Variants in ZFHX3 observed in about 807,000 individuals in gnomAD.
ZFHX3 encodes zinc finger homeobox protein 3.
ZFHX3 carries 42 observed loss-of-function variants against 279.1 expected under a neutral mutation model. That is an observed-to-expected ratio of 0.15 (90% CI 0.12 to 0.19). The LOEUF (loss-of-function observed/expected upper bound fraction) is 0.19, where lower values mean the gene tolerates loss of function less well. Among genes scored for constraint, ZFHX3 ranks in the 10% least tolerant of loss-of-function variants. ZFHX3 has a pLI of 1.00. For synonymous variants in ZFHX3, 2,293 were observed against 1,957.8 expected (o/e 1.17, Z -4.52); for missense variants, 4,981 against 4,754.0 (o/e 1.05, Z -1.40).
intron 4 of ZFHX3, among the ~76,000 whole-genome samples, chr16:72,859,378 T>C (rs953789488): frequency 3.3e-5 from 5 of 152,150 alleles, no homozygotes; most frequent in Non-Finnish European, 7.3e-5. Context: ...TGGGTCTGGA[T>C]TTCTATGACA....
Position 73,560,085 on chromosome 16 carries a change from G to A in ZFHX3, c.-1546-103827C>T, listed in dbSNP as rs114894854. The stretch of plus-strand genomic sequence containing the variant: ...AAAAAAACCCCAGTGCCTGATGATC[G>A]GGAGCTTGTCTGTCAAGTTCCTTCT... On this transcript the variant is annotated intron_variant, in intron 2 of 17. Transcript: ENST00000641206. 4.6e-3 allele frequency among the ~76,000 whole-genome samples: 700 copies of A among 152,234 alleles called. 3 individuals are homozygous for A. Among genetic ancestry groups the A allele is most frequent in the African/African-American group, 0.016 (668 of 41,532 alleles).
intron 1 of ZFHX3, among the ~76,000 whole-genome samples, chr16:73,721,726 A>G (rs1451123809): frequency 1.3e-5 from 2 of 152,178 alleles, no homozygotes; most frequent in African/African-American, 4.8e-5. Flanking sequence ...TGCCTAAGGG[A>G]AATTATTATT....
At chr16:73,256,981 G>A (rs1343809252) in intron 5 of ZFHX3, 2 of 151,930 alleles carry the variant, frequency 1.3e-5, no homozygotes, top group Admixed American at 1.3e-4. Context: ...GAAACAACTG[G>A]TGAGAACTTC....
intron 4 of ZFHX3, among the ~76,000 whole-genome samples, chr16:73,281,578 T>C (rs2143063532): frequency 6.6e-6 from 1 of 152,288 alleles, no homozygotes; most frequent in Admixed American, 6.5e-5. Flanking sequence ...TACTGTATTG[T>C]GTACTTAAAA....
chr16:73,048,516 G>C (rs1445901572), upstream of ZFHX3: 1 of 152,242 alleles, frequency 6.6e-6, no homozygotes, highest in African/African-American at 2.4e-5. Flanking sequence ...CGGGAACAAA[G>C]CCCAGGCCCT....
At chr16:72,817,687 C>T (rs1271202506) in intron 5 of ZFHX3, among the ~76,000 whole-genome samples, 2 of 152,204 alleles carry the variant, frequency 1.3e-5, no homozygotes, top group Non-Finnish European at 1.5e-5. Flanking sequence ...GTCCACGTTA[C>T]TGGGAAGTTT....
intron 2 of ZFHX3, among the ~76,000 whole-genome samples, chr16:73,541,228 T>C (rs569863476): frequency 6.6e-6 from 1 of 152,296 alleles, no homozygotes; most frequent in African/African-American, 2.4e-5. Flanking sequence ...ACACATGCTA[T>C]CATCCCAGCA....
At chr16:72,817,948 G>A (rs946738702) in intron 5 of ZFHX3, among the ~76,000 whole-genome samples, 7 of 152,198 alleles carry the variant, frequency 4.6e-5, no homozygotes, top group Non-Finnish European at 8.8e-5. Flanking sequence ...TAATGGAGGA[G>A]CCAATTAAAT....
chr16:73,040,496 C>T (rs542462977), intron 1 of ZFHX3, among the ~76,000 whole-genome samples: 73 of 149,136 alleles, frequency 4.9e-4, no homozygotes, highest in Non-Finnish European at 1.0e-3. Flanking sequence ...CTAGGTGGGT[C>T]ATTGAGTAGG....
chr16:73,326,010 C>T (rs1270356782), intron 3 of ZFHX3, among the ~76,000 whole-genome samples: 1 of 151,924 alleles, frequency 6.6e-6, no homozygotes, highest in Non-Finnish European at 1.5e-5. Context: ...CATGTGATTA[C>T]ACTAAGAAGG....
chr16:73,741,873 T>G (rs983937142), intron 1 of ZFHX3, among the ~76,000 whole-genome samples: 8 of 152,334 alleles, frequency 5.3e-5, no homozygotes, highest in Non-Finnish European at 1.2e-4. Context: ...GTCTTACACA[T>G]TTGTTTGAAG....
intron 1 of ZFHX3, 104 bp from the exon 2 acceptor site, chr16:72,960,298 C>T: frequency 1.1e-6 from 1 of 890,326 alleles, no homozygotes; most frequent in Non-Finnish European, 1.6e-6. Context: ...ACGGAGCGCT[C>T]TAAGAGGCTT....
At chr16:73,864,802 TACCCA>T (rs1961970444) in intron 1 of ZFHX3, among the ~76,000 whole-genome samples, 2 of 35,072 alleles carry the variant, frequency 5.7e-5, no homozygotes, top group Admixed American at 2.4e-4. Flanking sequence ...GGCATCCCAA[TACCCA>T]ATAAAGTAAT....
chr16:73,743,611 TATCTAAGTTCTTATTAGAAA>T (rs2053678042), intron 1 of ZFHX3, among the ~76,000 whole-genome samples: 2 of 152,306 alleles, frequency 1.3e-5, no homozygotes, highest in Admixed American at 1.3e-4. Flanking sequence ...TAAAAATTTA[TATCTAAGTTCTTATTAGAAA>T]ATGCATACAT....
chr16:73,007,547 C>T (rs1257176427), intron 1 of ZFHX3, among the ~76,000 whole-genome samples: 3 of 152,070 alleles, frequency 2.0e-5, no homozygotes, highest in African/African-American at 7.2e-5. Flanking sequence ...CCCGGGTTCA[C>T]GCAATTCTCC....
chr16:73,265,848 G>C (rs1349178482), intron 4 of ZFHX3, among the ~76,000 whole-genome samples: 2 of 152,152 alleles, frequency 1.3e-5, no homozygotes, highest in Admixed American at 1.3e-4. Flanking sequence ...AAGGTATGCT[G>C]GTCAAAGCAT....
intron 4 of ZFHX3, among the ~76,000 whole-genome samples, chr16:73,315,573 C>T (rs1238260513): frequency 2.6e-5 from 4 of 151,620 alleles, no homozygotes; most frequent in African/African-American, 9.7e-5. Context: ...ACAAAAGCTG[C>T]ACAAAAACAT....
chr16:73,697,118 G>A (rs185161652), intron 1 of ZFHX3, among the ~76,000 whole-genome samples: 66 of 152,100 alleles, frequency 4.3e-4, no homozygotes, highest in African/African-American at 1.5e-3. Flanking sequence ...AAGTGAACTA[G>A]CTCTTAGAAA....
At chr16:73,766,652 C>T (rs2053947407) in intron 1 of ZFHX3, among the ~76,000 whole-genome samples, 1 of 152,130 alleles carries the variant, frequency 6.6e-6, no homozygotes, top group Admixed American at 6.5e-5. Context: ...TTGGACTAAG[C>T]GAGAAATGCA....
Sources: gnomAD v4.1 joint callset for allele counts (sites outside exome capture counted in the v4.1 genomes callset) on GRCh38, gnomAD v4.1.1 for gene constraint, MANE v1.5 for transcripts, NCBI Gene and HGNC (gene_info 2026-07-23, HGNC 2026-07-21) for gene names.